Variants in BCKDHB observed in about 807,000 individuals in gnomAD.
The protein encoded by BCKDHB is branched chain keto acid dehydrogenase E1 subunit beta.
Under a neutral mutation model 48.5 loss-of-function variants are expected in BCKDHB, and 41 were observed. The ratio of observed to expected loss-of-function variants is 0.85; its 90% CI spans 0.66 to 1.10. The LOEUF (loss-of-function observed/expected upper bound fraction) is 1.10, where lower values mean the gene tolerates loss of function less well. Among genes scored for constraint, BCKDHB ranks in the 50% least tolerant of loss-of-function variants. BCKDHB has a pLI of 0.00. For synonymous variants in BCKDHB, 201 were observed against 174.8 expected, an observed-to-expected ratio of 1.15 and a Z score of -1.18; for missense variants, 496 against 494.2, an observed-to-expected ratio of 1.00 and a Z score of -0.03.
the BCKDHB span, among the ~76,000 whole-genome samples, chr6:80,445,641 T>C: frequency 6.6e-6 from 1 of 152,170 alleles, no homozygotes; most frequent in East Asian, 1.9e-4. Context: ...TAAAGTATCA[T>C]AAGATGCAGA....
At chr6:80,423,769 G>A in the BCKDHB span, among the ~76,000 whole-genome samples, 311 of 152,294 alleles carry the variant, frequency 2.0e-3, no homozygotes, top group African/African-American at 7.1e-3. Flanking sequence ...ATATTATAGT[G>A]ATGCATTGCA....
chr6:80,140,705 T>C (rs373199414), intron 3 of BCKDHB, among the ~76,000 whole-genome samples: 1 of 152,108 alleles, frequency 6.6e-6, no homozygotes, highest in Non-Finnish European at 1.5e-5. Flanking sequence ...ATTCGGTTTG[T>C]CAGTATTTTT....
intron 3 of BCKDHB, among the ~76,000 whole-genome samples, chr6:80,157,411 C>T (rs1423982795): frequency 5.3e-5 from 8 of 150,362 alleles, no homozygotes. Flanking sequence ...TTTAAAATTC[C>T]ACTATGTACA....
intron 9 of BCKDHB, among the ~76,000 whole-genome samples, chr6:80,332,415 TG>T (rs1582582574): frequency 6.6e-6 from 1 of 152,212 alleles, no homozygotes; most frequent in East Asian, 1.9e-4. Context: ...TAAATACTCC[TG>T]AAGTTTGTTC....
chr6:80,178,275 T>G (rs982333369), intron 6 of BCKDHB, among the ~76,000 whole-genome samples: 2 of 152,244 alleles, frequency 1.3e-5, no homozygotes, highest in South Asian at 4.1e-4. Context: ...ATTAGTAAGC[T>G]TCTTTCACAT....
At chr6:80,390,959 A>G in the BCKDHB span, among the ~76,000 whole-genome samples, 16 of 152,082 alleles carry the variant, frequency 1.1e-4, no homozygotes, top group Admixed American at 8.5e-4. Flanking sequence ...AAAAACGTGA[A>G]AAGGAGAGAG....
chr6:80,147,234 C>G (rs113511625), intron 3 of BCKDHB, among the ~76,000 whole-genome samples: 19 of 152,258 alleles, frequency 1.2e-4, no homozygotes, highest in African/African-American at 4.6e-4. Flanking sequence ...GGTTTCACAA[C>G]TGAAACCAGG....
intron 6 of BCKDHB, among the ~76,000 whole-genome samples, chr6:80,174,273 T>C (rs555486040): frequency 1.5e-4 from 23 of 152,290 alleles, no homozygotes; most frequent in African/African-American, 4.6e-4. Context: ...GTAGAATTAT[T>C]ATAAATACTG....
chr6:80,351,459 C>T, the BCKDHB span, among the ~76,000 whole-genome samples: 4 of 152,140 alleles, frequency 2.6e-5, no homozygotes, highest in East Asian at 7.7e-4. Flanking sequence ...GTTAATTCTT[C>T]CCATGGCCCT....
At position 80,332,073 on chromosome 6, in the gene BCKDHB, A is replaced by G. The variant is rs542117099; in HGVS notation, c.1039-11591A>G. 8.5e-5 allele frequency among the ~76,000 whole-genome samples: 13 copies of G among 152,278 alleles called. No individual in the cohort carries two copies. In the South Asian group the frequency reaches 2.7e-3, roughly 32 times the overall value. ...AGCTGTGCTTCGCAGGGATGACTGA[A>G]ATGCTTGTCTCAGACAACTGAGACC... is the stretch of plus-strand genomic sequence containing the variant. On this transcript the variant is annotated intron_variant, in intron 9 of 9. Coordinates refer to ENST00000320393, the MANE Select transcript of BCKDHB (RefSeq NM_183050.4).
the BCKDHB span, among the ~76,000 whole-genome samples, chr6:80,423,964 A>C: frequency 6.6e-6 from 1 of 152,188 alleles, no homozygotes; most frequent in African/African-American, 2.4e-5. Context: ...AGATACTTGC[A>C]GTGTCCCAGT....
At chr6:80,137,500 C>G (rs77965556) in intron 3 of BCKDHB, among the ~76,000 whole-genome samples, 3 of 152,182 alleles carry the variant, frequency 2.0e-5, no homozygotes, top group Non-Finnish European at 4.4e-5. Flanking sequence ...GCAGTCCTTC[C>G]GCCTCTCACA....
At chr6:80,394,568 T>A in the BCKDHB span, among the ~76,000 whole-genome samples, 1 of 152,288 alleles carries the variant, frequency 6.6e-6, no homozygotes, top group East Asian at 1.9e-4. Flanking sequence ...CCTCTCATGA[T>A]CCTAGGCCAC....
intron 9 of BCKDHB, among the ~76,000 whole-genome samples, chr6:80,309,137 C>G (rs966160898): frequency 6.6e-6 from 1 of 151,480 alleles, no homozygotes; most frequent in African/African-American, 2.4e-5. Context: ...GATCTCGGCT[C>G]ACTGCAACCT....
the BCKDHB span, among the ~76,000 whole-genome samples, chr6:80,422,326 T>C: frequency 2.6e-5 from 4 of 152,166 alleles, no homozygotes; most frequent in African/African-American, 9.7e-5. Flanking sequence ...AGAGGATGTA[T>C]GGAAACACTT....
In BCKDHB at chr6:80,174,267, AATT is replaced by A. The variant is rs912431491; in HGVS notation, c.742+2883_742+2885del. 5.3e-5 allele frequency among the ~76,000 whole-genome samples: 8 copies of A among 152,314 alleles called. No individual in the cohort carries two copies. The East Asian group carries it at 5.8e-4, about 11-fold the overall frequency. Reference sequence around the variant, plus strand: ...GATGGACTAATAAATATGGATGTAGAATTATTATAAATACTGGCTGACATTTAT... The same window carrying A: ...GATGGACTAATAAATATGGATGTAGAATTATAAATACTGGCTGACATTTAT... On this transcript the variant is annotated intron_variant, in intron 6 of 9. Transcript: ENST00000320393.
chr6:80,377,596 C>T, the BCKDHB span, among the ~76,000 whole-genome samples: 5 of 152,060 alleles, frequency 3.3e-5, no homozygotes, highest in African/African-American at 1.2e-4. Flanking sequence ...CATTTCTTTC[C>T]CTCAATGAAT....
At chr6:80,241,963 A>G (rs2127914984) in intron 8 of BCKDHB, among the ~76,000 whole-genome samples, 1 of 152,208 alleles carries the variant, frequency 6.6e-6, no homozygotes, top group Admixed American at 6.5e-5. Flanking sequence ...AACCTTTATG[A>G]GTTATATATA....
intron 6 of BCKDHB, among the ~76,000 whole-genome samples, chr6:80,184,496 T>G (rs1437567181): frequency 1.3e-5 from 2 of 151,978 alleles, no homozygotes; most frequent in Non-Finnish European, 2.9e-5. Flanking sequence ...CCTGAATACC[T>G]TTTTTTTAAA....
Sources: gnomAD v4.1 joint callset for allele counts (sites outside exome capture counted in the v4.1 genomes callset) on GRCh38, gnomAD v4.1.1 for gene constraint, MANE v1.5 for transcripts, NCBI Gene and HGNC (gene_info 2026-07-23, HGNC 2026-07-21) for gene names.